Variants in ME1 observed in about 807,000 individuals in gnomAD.
ME1 encodes the protein malic enzyme 1, also known as NADP-dependent malic enzyme.
A neutral mutation model predicts 66.4 loss-of-function variants in ME1; 74 were observed. The observed-to-expected ratio is 1.11, with a 90% CI of 0.92 to 1.35. The LOEUF (loss-of-function observed/expected upper bound fraction) is 1.35, where lower values mean the gene tolerates loss of function less well. Among genes scored for constraint, ME1 ranks in the 40% most tolerant of loss-of-function variants. The pLI is 0.00. For synonymous variants in ME1, 251 were observed against 235.6 expected (o/e 1.07, Z -0.60); for missense variants, 750 against 694.1 (o/e 1.08, Z -0.90).
chr6:83,216,682 A>G (rs1411342381), intron 12 of ME1, 86 bp from the exon 13 acceptor site: 1 of 835,030 alleles, frequency 1.2e-6, no homozygotes. Flanking sequence ...GAACGGTTAC[A>G]TATAATGGTC....
chr6:83,341,855 A>G (rs948973078), intron 5 of ME1, among the ~76,000 whole-genome samples: 1 of 152,094 alleles, frequency 6.6e-6, no homozygotes, highest in African/African-American at 2.4e-5. Flanking sequence ...AATTGAAAGT[A>G]CCTCTGACTG....
intron 6 of ME1, among the ~76,000 whole-genome samples, chr6:83,264,022 C>T (rs1323176020): frequency 6.6e-6 from 1 of 152,120 alleles, no homozygotes; most frequent in Non-Finnish European, 1.5e-5. Flanking sequence ...GAGAAGTCAA[C>T]GTCTGGCTTC....
intron 6 of ME1, among the ~76,000 whole-genome samples, chr6:83,285,294 G>C (rs984664562): frequency 3.3e-5 from 5 of 152,106 alleles, no homozygotes; most frequent in African/African-American, 4.8e-5. Context: ...CTACTAGACT[G>C]TCAGATAAAT....
chr6:83,378,280 A>G (rs986185854), intron 3 of ME1, among the ~76,000 whole-genome samples: 2 of 152,204 alleles, frequency 1.3e-5, no homozygotes, highest in Admixed American at 1.3e-4. Flanking sequence ...GCAAAGCTCA[A>G]TAGGAAAAAC....
intron 3 of ME1, among the ~76,000 whole-genome samples, chr6:83,389,352 C>A (rs998912698): frequency 1.6e-4 from 25 of 152,024 alleles, no homozygotes; most frequent in African/African-American, 6.0e-4. Context: ...ACTAATTGAA[C>A]ACCAACCAGG....
chr6:83,359,992 C>T (rs1562489986), intron 3 of ME1, among the ~76,000 whole-genome samples: 1 of 152,320 alleles, frequency 6.6e-6, no homozygotes, highest in East Asian at 1.9e-4. Flanking sequence ...AATAGTCTGA[C>T]TTATGTAGAG....
chr6:83,346,090 G>T (rs542357523), intron 5 of ME1, 83 bp downstream of exon 5: 2 of 1,063,082 alleles, frequency 1.9e-6, no homozygotes, highest in South Asian at 4.8e-5. Context: ...TGAATTTTAT[G>T]AGTTCCTGGA....
rs1790134582 is a variant in ME1 at position 83,223,759 on chromosome 6, C to T, written c.1449+1G>A. 1 of 1,613,246 alleles carries T rather than the reference C, an allele frequency of 6.2e-7. No individual in the cohort carries two copies. Among genetic ancestry groups the T allele is most frequent in the Non-Finnish European group, 8.5e-7 (1 of 1,179,508 alleles). ...GGTAAACTTAGAGGATTTTACAATA[C>T]CTCAGCAGTAGTGAGGAAAATATTA... is the stretch of plus-strand genomic sequence containing the variant. On this transcript the variant is annotated splice_donor_variant, in intron 12 of 13. Transcript: ENST00000369705. LOFTEE classifies it high-confidence loss of function.
intron 5 of ME1, among the ~76,000 whole-genome samples, chr6:83,342,367 C>G (rs1768603961): frequency 6.6e-6 from 1 of 152,148 alleles, no homozygotes; most frequent in South Asian, 2.1e-4. Context: ...TATATAATAA[C>G]TGTCAGAGAA....
At chr6:83,262,305 A>G (rs1315508785) in intron 6 of ME1, among the ~76,000 whole-genome samples, 3 of 152,174 alleles carry the variant, frequency 2.0e-5, no homozygotes. Context: ...CTGTGCTTCA[A>G]CATACCACTG....
At chr6:83,385,223 C>T (rs1418296405) in intron 3 of ME1, among the ~76,000 whole-genome samples, 1 of 151,778 alleles carries the variant, frequency 6.6e-6, no homozygotes, top group African/African-American at 2.4e-5. Context: ...GTAGAGGATG[C>T]AAAGTGATAT....
At chr6:83,296,653 G>A (rs1392238381) in intron 6 of ME1, among the ~76,000 whole-genome samples, 4 of 152,124 alleles carry the variant, frequency 2.6e-5, no homozygotes, top group Admixed American at 6.5e-5. Context: ...ACACAGTATT[G>A]GAAGTCTTGT....
chr6:83,384,435 G>A (rs1197443313), intron 3 of ME1, among the ~76,000 whole-genome samples: 5 of 151,306 alleles, frequency 3.3e-5, no homozygotes, highest in Non-Finnish European at 7.4e-5. Flanking sequence ...ATGTTGAACA[G>A]TTTTTCATGT....
chr6:83,292,945 T>G (rs549055564), intron 6 of ME1, among the ~76,000 whole-genome samples: 1 of 152,302 alleles, frequency 6.6e-6, no homozygotes, highest in African/African-American at 2.4e-5. Context: ...TGGGACCCAC[T>G]GAGCCAGGCA....
chr6:83,280,696 G>A (rs1200622740), intron 6 of ME1, among the ~76,000 whole-genome samples: 1 of 152,138 alleles, frequency 6.6e-6, no homozygotes, highest in Non-Finnish European at 1.5e-5. Context: ...AAAATTAAAA[G>A]AATTGATCCA....
At chr6:83,274,023 T>G (rs2128531655) in intron 6 of ME1, among the ~76,000 whole-genome samples, 1 of 152,326 alleles carries the variant, frequency 6.6e-6, no homozygotes, top group Admixed American at 6.5e-5. Context: ...ATCCCTCAGC[T>G]TCACTGCTAC....
At chr6:83,372,782 A>G (rs1205194069) in intron 3 of ME1, among the ~76,000 whole-genome samples, 1 of 152,200 alleles carries the variant, frequency 6.6e-6, no homozygotes, top group East Asian at 1.9e-4. Context: ...AGATGGCTTC[A>G]CTGTTGAGGG....
At chr6:83,305,961 T>C (rs952519092) in intron 6 of ME1, among the ~76,000 whole-genome samples, 6 of 152,162 alleles carry the variant, frequency 3.9e-5, no homozygotes, top group Non-Finnish European at 8.8e-5. Flanking sequence ...AAAGGAAAAG[T>C]AAATTGCTTT....
intron 10 of ME1, 116 bp downstream of exon 10, chr6:83,228,710 G>A (rs982569919): frequency 4.5e-5 from 32 of 705,652 alleles, no homozygotes; most frequent in East Asian, 4.1e-4. Context: ...TCGCTTGAGC[G>A]AACGTGTAGT....
Sources: allele counts gnomAD v4.1 joint callset (sites outside exome capture counted in the v4.1 genomes callset), GRCh38; gene constraint gnomAD v4.1.1; transcripts MANE v1.5; gene names NCBI Gene and HGNC (gene_info 2026-07-23, HGNC 2026-07-21).